Variants in CA8 observed in about 807,000 individuals in gnomAD.
The protein encoded by CA8 is carbonic anhydrase-related protein.
CA8 carries 22 observed loss-of-function variants against 41.4 expected under a neutral mutation model. That is an observed-to-expected ratio of 0.53 (90% CI 0.38 to 0.76). CA8 has a LOEUF of 0.76. Ranked by LOEUF, CA8 falls within the 30% of genes least tolerant of loss-of-function variation. The pLI is 0.00. For missense variants in CA8, 270 were observed against 352.8 expected (o/e 0.77, Z 1.88); for synonymous variants, 121 against 130.6 (o/e 0.93, Z 0.50).
intron 2 of CA8, among the ~76,000 whole-genome samples, chr8:60,272,832 G>T (rs921325438): frequency 8.5e-5 from 13 of 152,196 alleles, no homozygotes; most frequent in Non-Finnish European, 1.5e-4. Context: ...AACAAAGATT[G>T]CCAACCTCAC....
intron 3 of CA8, among the ~76,000 whole-genome samples, chr8:60,241,654 A>G (rs1218839103): frequency 6.6e-6 from 1 of 152,110 alleles, no homozygotes; most frequent in Non-Finnish European, 1.5e-5. Context: ...CATCATTTTT[A>G]TGTTTTATAT....
rs546162939 is a variant in CA8 at position 60,219,929 on chromosome 8, T to TAAAA, written c.738+2716_738+2719dup. 1.2e-3 allele frequency among the ~76,000 whole-genome samples: 96 copies of TAAAA among 81,976 alleles called. 4 individuals are homozygous for TAAAA. The highest frequency in any genetic ancestry group is 3.5e-3 in the African/African-American group (74 of 20,996). 53.8% of individuals were successfully genotyped at this position (81,976 alleles called of 152,430 possible). Reference sequence around the variant, plus strand: ...CTCTAGTATTTCCTAAATCTTAACTTAAAAAAAAAAAAAAAAAAAAAAAAC... The same window carrying TAAAA: ...CTCTAGTATTTCCTAAATCTTAACTTAAAAAAAAAAAAAAAAAAAAAAAAAAAAC... On this transcript the variant is annotated intron_variant, in intron 7 of 8. Transcript: ENST00000317995.
chr8:60,275,590 G>A (rs1233829793), intron 2 of CA8, among the ~76,000 whole-genome samples: 2 of 151,812 alleles, frequency 1.3e-5, no homozygotes, highest in Admixed American at 6.6e-5. Flanking sequence ...CTACTAGAAA[G>A]TAGAAGAGAA....
intron 2 of CA8, among the ~76,000 whole-genome samples, chr8:60,276,430 TAG>T (rs535313964): frequency 3.4e-4 from 52 of 152,296 alleles, no homozygotes; most frequent in African/African-American, 1.1e-3. Context: ...CGTCATATGT[TAG>T]AGAGTTTGCA....
chr8:60,229,873 T>C (rs1807579225), intron 4 of CA8, among the ~76,000 whole-genome samples: 1 of 152,100 alleles, frequency 6.6e-6, no homozygotes, highest in Non-Finnish European at 1.5e-5. Context: ...TTTAATCCTT[T>C]TACCTCCTAA....
chr8:60,273,521 T>C (rs1415185834), intron 2 of CA8, among the ~76,000 whole-genome samples: 2 of 152,318 alleles, frequency 1.3e-5, no homozygotes, highest in Non-Finnish European at 2.9e-5. Flanking sequence ...ACGAACAAAG[T>C]AGCACACAGT....
chr8:60,225,638 T>G (rs1198515346), intron 5 of CA8, among the ~76,000 whole-genome samples: 1 of 152,248 alleles, frequency 6.6e-6, no homozygotes, highest in Admixed American at 6.5e-5. Flanking sequence ...TGTGCTAGTA[T>G]AAAGCTAATC....
At chr8:60,227,186 G>A (rs1480809132) in intron 4 of CA8, among the ~76,000 whole-genome samples, 2 of 152,094 alleles carry the variant, frequency 1.3e-5, no homozygotes, top group African/African-American at 2.4e-5. Flanking sequence ...AGCTACTCAG[G>A]AGGGTGAGGA....
chr8:60,199,632 C>T (rs1478751402), intron 8 of CA8, among the ~76,000 whole-genome samples: 3 of 152,018 alleles, frequency 2.0e-5, no homozygotes, highest in Non-Finnish European at 4.4e-5. Context: ...TACCTGGTGG[C>T]AAACTTCTTG....
intron 3 of CA8, among the ~76,000 whole-genome samples, chr8:60,242,980 T>C (rs1302003993): frequency 2.0e-5 from 3 of 152,216 alleles, no homozygotes; most frequent in Non-Finnish European, 1.5e-5. Flanking sequence ...CATTCCATTA[T>C]AGAAAGCCAG....
intron 8 of CA8, among the ~76,000 whole-genome samples, chr8:60,199,335 G>T (rs576077415): frequency 6.6e-6 from 1 of 152,154 alleles, no homozygotes; most frequent in Non-Finnish European, 1.5e-5. Context: ...GAATAATTTA[G>T]TTGAAGACCT....
At chr8:60,273,441 T>C (rs1804132725) in intron 2 of CA8, among the ~76,000 whole-genome samples, 1 of 152,224 alleles carries the variant, frequency 6.6e-6, no homozygotes, top group Non-Finnish European at 1.5e-5. Flanking sequence ...CACTGGCCCA[T>C]GCCACTCAGA....
chr8:60,259,820 C>T (rs982426808), intron 3 of CA8, among the ~76,000 whole-genome samples: 5 of 150,208 alleles, frequency 3.3e-5, no homozygotes, highest in Middle Eastern at 3.4e-3. Context: ...AAGGCTCTAA[C>T]GCCTTCATCT....
chr8:60,201,690 T>C (rs1029978937), intron 8 of CA8, among the ~76,000 whole-genome samples: 1 of 152,204 alleles, frequency 6.6e-6, no homozygotes, highest in African/African-American at 2.4e-5. Context: ...CATACTTTCA[T>C]AATTTCCAAA....
chr8:60,201,484 T>A (rs1806426297), intron 8 of CA8, among the ~76,000 whole-genome samples: 1 of 152,066 alleles, frequency 6.6e-6, no homozygotes, highest in African/African-American at 2.4e-5. Flanking sequence ...GAAAACTGGG[T>A]ATATGGACAC....
chr8:60,251,075 G>A (rs1808426886), intron 3 of CA8, among the ~76,000 whole-genome samples: 1 of 152,180 alleles, frequency 6.6e-6, no homozygotes, highest in Admixed American at 6.5e-5. Context: ...ATTAGAGAAG[G>A]TGGACACAGG....
At chr8:60,279,990 G>T (rs1352807620) in intron 1 of CA8, 110 bp from the exon 2 acceptor site, 3 of 801,598 alleles carry the variant, frequency 3.7e-6, no homozygotes, top group South Asian at 1.8e-5. Flanking sequence ...AGAGAGTAAT[G>T]ATACCATCAC....
intron 4 of CA8, among the ~76,000 whole-genome samples, chr8:60,229,480 G>A (rs1356559086): frequency 6.6e-6 from 1 of 151,992 alleles, no homozygotes; most frequent in Non-Finnish European, 1.5e-5. Context: ...CTCCCTTACT[G>A]ACCCACTAGT....
chr8:60,278,453 T>A (rs72665124), intron 2 of CA8, among the ~76,000 whole-genome samples: 16,907 of 152,254 alleles, frequency 0.11, 1,117 homozygotes, highest in South Asian at 0.2. Context: ...TCTCAACACA[T>A]CAACACACAT....
Sources: gnomAD v4.1 joint callset for allele counts (sites outside exome capture counted in the v4.1 genomes callset) on GRCh38, gnomAD v4.1.1 for gene constraint, MANE v1.5 for transcripts, NCBI Gene and HGNC (gene_info 2026-07-23, HGNC 2026-07-21) for gene names.